The following NAA15 variants were observed in gnomAD, a reference collection of about 807,000 sequenced individuals.
NAA15 encodes the protein N-alpha-acetyltransferase 15, NatA auxiliary subunit, also known as N-terminal acetyltransferase.
NAA15 carries 34 observed loss-of-function variants against 114.0 expected under a neutral mutation model. That is an observed-to-expected ratio of 0.30 (90% confidence interval 0.23 to 0.40). The LOEUF is 0.40. NAA15 is among the 10% of genes least tolerant of loss of function. The pLI is 1.00. For synonymous variants in NAA15, 340 were observed against 338.0 expected, an observed-to-expected ratio of 1.01 and a Z score of -0.06; for missense variants, 658 against 1,004.5, an observed-to-expected ratio of 0.66 and a Z score of 4.66.
At chr4:139,321,201 TGGG>T (rs1326815593) in intron 1 of NAA15, among the ~76,000 whole-genome samples, 3 of 152,134 alleles carry the variant, frequency 2.0e-5, no homozygotes, top group Non-Finnish European at 4.4e-5. Flanking sequence ...CTGCTTATGT[TGGG>T]TTAAATTTGC....
chr4:139,327,889 T>A (rs1448675269), intron 1 of NAA15, among the ~76,000 whole-genome samples: 1 of 152,174 alleles, frequency 6.6e-6, no homozygotes, highest in Non-Finnish European at 1.5e-5. Flanking sequence ...GGTCTTGAAC[T>A]CCTGACCTCA....
At position 139,327,664 on chromosome 4, in the gene NAA15, C is replaced by T. The variant is rs142301887; in HGVS notation, c.55-6510C>T. Among the ~76,000 whole-genome samples the T allele has an allele frequency of 2.1e-3, 321 of 151,960 alleles. 1 individual carries two copies. The highest frequency in any genetic ancestry group is 6.5e-3 in the African/African-American group (270 of 41,464). The stretch of plus-strand genomic sequence containing the variant: ...ATCAGATAGTATGTGTATTTGTTTT[C>T]GTTTTGTTTTGTTTTGTTTGAGACA... On this transcript the variant is annotated intron_variant, in intron 1 of 19. Coordinates refer to ENST00000296543, the MANE Select transcript of NAA15 (RefSeq NM_057175.5).
Position 139,376,431 on chromosome 4 carries a change from A to T in NAA15, c.2014A>T (p.Ile672Leu). Residue 672 changes from isoleucine (I) to leucine (L), a missense_variant, in exon 16 of 20, where the codon ATA (isoleucine) becomes TTA (leucine). Around this residue, in one of 6 missense-constraint regions of NAA15, gnomAD observed 275 missense variants for 371.1 expected, o/e 0.74. Coordinates refer to ENST00000296543, the MANE Select transcript of NAA15 (RefSeq NM_057175.5). ...GTTGAAGAACTTGGTGAAGAACAAGATAGAGACTCATCTTTTTGCCTTTGA... is the reference window on the plus strand; with the variant it reads ...GTTGAAGAACTTGGTGAAGAACAAGTTAGAGACTCATCTTTTTGCCTTTGA... ...TPLKNLVKNKIETHLFAFEIY... is the reference protein window; with the variant it reads ...TPLKNLVKNKLETHLFAFEIY... 1 of 1,613,236 alleles carries T rather than the reference A, an allele frequency of 6.2e-7. No individual in the cohort carries two copies. The highest frequency in any genetic ancestry group is 8.5e-7 in the Non-Finnish European group (1 of 1,179,346).
At chr4:139,384,628 A>G (rs1465520085) in intron 17 of NAA15, among the ~76,000 whole-genome samples, 1 of 151,968 alleles carries the variant, frequency 6.6e-6, no homozygotes, top group African/African-American at 2.4e-5. Flanking sequence ...GGTGGTGCAC[A>G]CCTGAAGTCC....
chr4:139,347,888 C>T (rs905161533), intron 6 of NAA15, among the ~76,000 whole-genome samples: 5 of 151,110 alleles, frequency 3.3e-5, no homozygotes, highest in Non-Finnish European at 5.9e-5. Flanking sequence ...AAAAATTAGC[C>T]GGGCGCGGTG....
chr4:139,325,078 T>C (rs1746748728), intron 1 of NAA15, among the ~76,000 whole-genome samples: 1 of 151,950 alleles, frequency 6.6e-6, no homozygotes, highest in African/African-American at 2.4e-5. Flanking sequence ...AGTAAAAAGC[T>C]AACTGCTGTA....
chr4:139,379,972 A>G (rs994022663), intron 17 of NAA15, among the ~76,000 whole-genome samples: 6 of 152,054 alleles, frequency 3.9e-5, no homozygotes, highest in African/African-American at 1.2e-4. Flanking sequence ...TTGAACTTGC[A>G]AGGCGGAGGT....
chr4:139,302,453 C>T (rs867426357), intron 1 of NAA15: 1 of 152,276 alleles, frequency 6.6e-6, no homozygotes, highest in Non-Finnish European at 1.5e-5. Context: ...TCTTCAGCTC[C>T]TCTGCCTCCG....
At chr4:139,355,132 G>T (rs1286449606) in intron 10 of NAA15, among the ~76,000 whole-genome samples, 1 of 152,012 alleles carries the variant, frequency 6.6e-6, no homozygotes, top group Admixed American at 6.6e-5. Context: ...GCCTGCTTCG[G>T]CCTCCCAAAG....
At chr4:139,344,085 A>C (rs1378789474) in intron 5 of NAA15, 101 bp from the exon 6 acceptor site, 4 of 1,029,946 alleles carry the variant, frequency 3.9e-6, no homozygotes, top group Middle Eastern at 3.2e-4. Flanking sequence ...TATCAACCGG[A>C]TGTTATCCTT....
intron 14 of NAA15, among the ~76,000 whole-genome samples, chr4:139,362,377 G>A (rs1484610435): frequency 6.6e-6 from 1 of 152,098 alleles, no homozygotes; most frequent in African/African-American, 2.4e-5. Context: ...AGGTTCAAGC[G>A]ATTCTCCTGC....
chr4:139,339,758 A>G (rs1431968208), intron 3 of NAA15, among the ~76,000 whole-genome samples: 1 of 152,016 alleles, frequency 6.6e-6, no homozygotes, highest in African/African-American at 2.4e-5. Context: ...TCAAAAACAA[A>G]CAAACAACAA....
intron 10 of NAA15, among the ~76,000 whole-genome samples, chr4:139,355,216 T>C (rs1342687117): frequency 6.6e-6 from 1 of 152,154 alleles, no homozygotes; most frequent in Non-Finnish European, 1.5e-5. Context: ...ATTCAGTCCA[T>C]GTTCACATTT....
chr4:139,325,941 T>A (rs1211855422), intron 1 of NAA15, among the ~76,000 whole-genome samples: 1 of 152,228 alleles, frequency 6.6e-6, no homozygotes, highest in Non-Finnish European at 1.5e-5. Context: ...TGTTTTTATA[T>A]GCTAGTTTGA....
At chr4:139,367,190 A>G (rs80266094) in intron 14 of NAA15, among the ~76,000 whole-genome samples, 1,801 of 152,334 alleles carry the variant, frequency 0.012, 12 homozygotes, top group East Asian at 0.029. Context: ...CACTGTAGAC[A>G]TTATTAGGAG....
intron 4 of NAA15, among the ~76,000 whole-genome samples, chr4:139,341,866 CAT>C (rs1197080348): frequency 6.6e-6 from 1 of 151,780 alleles, no homozygotes; most frequent in African/African-American, 2.4e-5. Flanking sequence ...GGGCTACAGA[CAT>C]GTGCCACCAT....
chr4:139,325,040 A>G (rs1473376209), intron 1 of NAA15, among the ~76,000 whole-genome samples: 1 of 152,200 alleles, frequency 6.6e-6, no homozygotes, highest in Non-Finnish European at 1.5e-5. Context: ...TAGGATCTAA[A>G]ACTCAGTTAC....
chr4:139,374,184 G>T (rs1748521477), intron 15 of NAA15, among the ~76,000 whole-genome samples: 1 of 152,116 alleles, frequency 6.6e-6, no homozygotes, highest in Non-Finnish European at 1.5e-5. Context: ...TAGATTTCAA[G>T]TCAGTTTATA....
rs139837028 is a variant in NAA15, at chr4:139,327,758, C to T, written c.55-6416C>T. Among the ~76,000 whole-genome samples, 646 of 152,178 alleles carry T rather than the reference C, an allele frequency of 4.2e-3. 8 individuals carry two copies. The highest frequency in any genetic ancestry group is 0.015 in the African/African-American group (618 of 41,532). ...TCAGCTCACTGTAACCTCTGCCTCC[C>T]GGATTTAAGCGATTCTCCTGCCTCT... On this transcript the variant is annotated intron_variant, in intron 1 of 19. Coordinates refer to ENST00000296543, the MANE Select transcript of NAA15 (RefSeq NM_057175.5).
Sources: allele counts gnomAD v4.1 joint callset (sites outside exome capture counted in the v4.1 genomes callset), GRCh38; gene constraint gnomAD v4.1.1; regional missense constraint gnomAD v4.1.1; transcripts MANE v1.5; gene names NCBI Gene and HGNC (gene_info 2026-07-23, HGNC 2026-07-21).